The following DNTTIP1 variants were observed in gnomAD, a reference collection of about 807,000 sequenced individuals.
DNTTIP1 encodes the protein deoxynucleotidyltransferase terminal-interacting protein 1.
Under a neutral mutation model 52.9 loss-of-function variants are expected in DNTTIP1, and 22 were observed. That is an observed-to-expected ratio of 0.42 (90% CI 0.30 to 0.59). The LOEUF (loss-of-function observed/expected upper bound fraction) is 0.59, where lower values mean the gene tolerates loss of function less well. Ranked by LOEUF, DNTTIP1 falls within the 20% of genes least tolerant of loss-of-function variation. The pLI is 0.22. For synonymous variants in DNTTIP1, 136 were observed against 155.1 expected, an observed-to-expected ratio of 0.88 and a Z score of 0.92; for missense variants, 286 against 435.5, an observed-to-expected ratio of 0.66 and a Z score of 3.06.
intron 10 of DNTTIP1, among the ~76,000 whole-genome samples, chr20:45,808,545 C>T (rs571115237): frequency 3.9e-5 from 6 of 152,184 alleles, no homozygotes; most frequent in Admixed American, 1.3e-4. Context: ...GAGGCTGAGG[C>T]AGGAGAATCG....
intron 3 of DNTTIP1, among the ~76,000 whole-genome samples, chr20:45,794,221 T>C (rs1014040574): frequency 5.9e-5 from 9 of 152,208 alleles, no homozygotes; most frequent in Non-Finnish European, 1.0e-4. Flanking sequence ...CAATATCGAT[T>C]CACCGCAACC....
intron 4 of DNTTIP1, among the ~76,000 whole-genome samples, chr20:45,797,502 G>C (rs1011160327): frequency 1.3e-5 from 2 of 152,164 alleles, no homozygotes; most frequent in African/African-American, 2.4e-5. Context: ...AAACTAAAGA[G>C]CTTCTGCACA....
In DNTTIP1 at chr20:45,811,218, T is replaced by A; in HGVS notation, c.*23T>A. ...TGAGGCCGGGTCCCCTGGCCACACT[T>A]GGCAGCCCTCCTCCAAAGCCCTCTT... On this transcript the variant is annotated 3_prime_UTR_variant, in exon 13 of 13. Coordinates refer to ENST00000372622, the MANE Select transcript of DNTTIP1 (RefSeq NM_052951.3). 1 of 1,586,806 alleles carries A rather than the reference T, an allele frequency of 6.3e-7. No individual in the cohort carries two copies.
At chr20:45,798,680 T>C (rs1328962885) in intron 4 of DNTTIP1, among the ~76,000 whole-genome samples, 1 of 152,178 alleles carries the variant, frequency 6.6e-6, no homozygotes, top group Non-Finnish European at 1.5e-5. Flanking sequence ...CCCTTAACTC[T>C]ATAAAGCCGG....
intron 4 of DNTTIP1, among the ~76,000 whole-genome samples, chr20:45,800,692 AAAATATATATATATATATATATATATAT>A (rs1479078651): frequency 0.013 from 439 of 32,650 alleles, 50 homozygotes; most frequent in Middle Eastern, 0.03. Flanking sequence ...AAAAAAAAAA[AAAATATATATATATATATATATATATAT>A]ATATATATAT....
At chr20:45,794,979 T>C (rs1981186533) in intron 3 of DNTTIP1, among the ~76,000 whole-genome samples, 1 of 151,936 alleles carries the variant, frequency 6.6e-6, no homozygotes, top group South Asian at 2.1e-4. Flanking sequence ...TTTGTATTTT[T>C]AGTAGAGACG....
Position 45,792,163 on chromosome 20 carries a change from C to T in DNTTIP1, c.105+54C>T. ...TCAGGCCGGGCACGGCCTCGGGGCTCCTGGGACCCTGGCCCGCGGGCGAGA... is the reference window on the plus strand; with the variant it reads ...TCAGGCCGGGCACGGCCTCGGGGCTTCTGGGACCCTGGCCCGCGGGCGAGA... On this transcript the variant is annotated intron_variant, in intron 1 of 12. Coordinates refer to ENST00000372622, the MANE Select transcript of DNTTIP1 (RefSeq NM_052951.3). 4.7e-6 allele frequency: 5 copies of T among 1,072,872 alleles called. No individual in the cohort carries two copies. In the East Asian group the frequency reaches 1.3e-4, roughly 27 times the overall value. 66.5% of individuals were successfully genotyped at this position (1,072,872 alleles called of 1,614,324 possible).
intron 3 of DNTTIP1, among the ~76,000 whole-genome samples, chr20:45,794,251 C>T (rs1198599691): frequency 1.3e-5 from 2 of 152,162 alleles, no homozygotes; most frequent in Non-Finnish European, 2.9e-5. Context: ...CAGGTTCCAG[C>T]GATTCTCATG....
chr20:45,800,858 G>T (rs1181585362), intron 4 of DNTTIP1, among the ~76,000 whole-genome samples: 1 of 149,610 alleles, frequency 6.7e-6, no homozygotes, highest in Non-Finnish European at 1.5e-5. Context: ...GCTGGGTATG[G>T]TGGCGCACCC....
In DNTTIP1 at chr20:45,792,561, A is replaced by G. The variant is rs530476980; in HGVS notation, c.106-116A>G. On this transcript the variant is annotated intron_variant, in intron 1 of 12. Transcript: ENST00000372622. ...ATCGTCCCACCCCAAGGCGGGAGAG[A>G]TGGTGACGGATCTGAGAAGCAGGGA... The G allele has an allele frequency of 1.5e-5, 11 of 752,324 alleles. No individual in the cohort carries two copies. The African/African-American group carries it at 2.0e-4, about 13-fold the overall frequency. The allele number at this position is 752,324 out of a possible 1,614,324, so 46.6% of individuals were successfully genotyped here. A position where few individuals can be genotyped will look rare whatever the true frequency, so the allele number is the denominator to read the frequency against.
At position 45,802,021 on chromosome 20, in the gene DNTTIP1, A is replaced by T; in HGVS notation, c.521A>T (p.His174Leu). Residue 174 changes from histidine to leucine, a missense_variant, in exon 7 of 13, where the codon CAC (histidine) becomes CTC (leucine). Transcript: ENST00000372622. ...CAGAGGAAAGGACGGCCTCCTGGAC[A>T]CATCCTGTCAAGCGACCGGGCAGCC... is the stretch of plus-strand genomic sequence containing the variant. The part of the protein sequence containing the change: ...PKKRKGRPPG[H>L]ILSSDRAAAG... 1 of 1,614,212 alleles carries T rather than the reference A, an allele frequency of 6.2e-7. No homozygotes were observed.
intron 7 of DNTTIP1, 42 bp from the exon 8 acceptor site, chr20:45,803,291 C>A: frequency 6.2e-7 from 1 of 1,603,068 alleles, no homozygotes; most frequent in South Asian, 1.1e-5. Flanking sequence ...AGTCCTAGGT[C>A]TCACCTTGGA....
At chr20:45,802,207 G>A in intron 7 of DNTTIP1, 150 bp downstream of exon 7, 1 of 844,632 alleles carries the variant, frequency 1.2e-6, no homozygotes, top group Non-Finnish European at 1.9e-6. Flanking sequence ...TTGGAGGGGT[G>A]AGGAAGGAGG....
chr20:45,792,090 C>T lies in DNTTIP1; in HGVS notation c.86C>T (p.Ala29Val), dbSNP rs764529651. Residue 29 changes from alanine to valine, a missense_variant, in exon 1 of 13, where the codon GCG becomes GTG. Ala to Val is a moderately conservative substitution (Grantham distance 64). Around this residue, in one of 2 missense-constraint regions of DNTTIP1, gnomAD observed 208 missense variants for 266.5 expected, o/e 0.78. Transcript: ENST00000372622. ...GGLELGDAGA[A>V]GQLVLTNPWN... is the part of the protein sequence containing the mutation. ...TTGGAGCTGGGGGATGCGGGCGCAG[C>T]GGGGCAGCTGGTTCTTACGGTGAGG... The T allele has an allele frequency of 7.8e-7, 1 of 1,285,730 alleles. No individual in the cohort carries two copies. The highest frequency in any genetic ancestry group is 3.3e-5 in the South Asian group (1 of 30,314). The allele number at this position is 1,285,730 out of a possible 1,614,324, so 79.6% of individuals were successfully genotyped here. A position where few individuals can be genotyped will look rare whatever the true frequency, so the allele number is the denominator to read the frequency against.
intron 5 of DNTTIP1, 72 bp downstream of exon 5, chr20:45,801,214 G>A (rs1981458399): frequency 6.7e-7 from 1 of 1,497,184 alleles, no homozygotes; most frequent in Admixed American, 1.7e-5. Flanking sequence ...AAATATGTGG[G>A]CCCAGGGAGG....
intron 8 of DNTTIP1, 86 bp from the exon 9 acceptor site, chr20:45,805,060 G>A (rs1981587995): frequency 8.6e-7 from 1 of 1,160,650 alleles, no homozygotes; most frequent in South Asian, 1.2e-5. Context: ...AAGGGGAAGG[G>A]TTAGAAAAGG....
intron 10 of DNTTIP1, among the ~76,000 whole-genome samples, chr20:45,807,822 C>T (rs1315654816): frequency 1.3e-5 from 2 of 151,914 alleles, no homozygotes; most frequent in Non-Finnish European, 2.9e-5. Flanking sequence ...TGGTGCACTC[C>T]TGTAGTCCTA....
At chr20:45,792,420 A>C (rs1006611027) in intron 1 of DNTTIP1, 4 of 481,172 alleles carry the variant, frequency 8.3e-6, no homozygotes, top group African/African-American at 7.9e-5. Flanking sequence ...CCTGACACAG[A>C]GTTGACCCTC....
intron 2 of DNTTIP1, among the ~76,000 whole-genome samples, chr20:45,793,683 G>A (rs1185295664): frequency 2.6e-5 from 4 of 152,076 alleles, no homozygotes; most frequent in African/African-American, 7.3e-5. Flanking sequence ...CTGGGCAACA[G>A]AGTGAGACTC....
Sources: allele counts gnomAD v4.1 joint callset (sites outside exome capture counted in the v4.1 genomes callset), GRCh38; gene constraint gnomAD v4.1.1; regional missense constraint gnomAD v4.1.1; transcripts MANE v1.5; gene names NCBI Gene and HGNC (gene_info 2026-07-23, HGNC 2026-07-21).